Variants in UGGT2 observed in about 807,000 individuals in gnomAD.
UGGT2 encodes the protein UDP-glucose:glycoprotein glucosyltransferase 2.
UGGT2 carries 180 observed loss-of-function variants against 192.1 expected under a neutral mutation model. That is an observed-to-expected ratio of 0.94 (90% CI 0.83 to 1.06). UGGT2 has a LOEUF of 1.06. Among genes scored for constraint, UGGT2 ranks in the 50% least tolerant of loss-of-function variants. The pLI is 0.00. For missense variants in UGGT2, 1,849 were observed against 1,795.7 expected (o/e 1.03, Z -0.54); for synonymous variants, 580 against 591.0 (o/e 0.98, Z 0.27).
chr13:95,878,386 T>TA (rs939317445), intron 27 of UGGT2, among the ~76,000 whole-genome samples: 2 of 152,158 alleles, frequency 1.3e-5, no homozygotes, highest in Non-Finnish European at 2.9e-5. Context: ...AACACTGATA[T>TA]AAACATCAAC....
intron 20 of UGGT2, among the ~76,000 whole-genome samples, chr13:95,920,932 C>T (rs758301621): frequency 1.3e-5 from 2 of 151,960 alleles, no homozygotes; most frequent in Non-Finnish European, 2.9e-5. Context: ...AGTAAAGACA[C>T]GGAATCAACC....
rs141240320 is a variant in UGGT2 at position 96,009,525 on chromosome 13, G to A, written c.660+3782C>T. On this transcript the variant is annotated intron_variant, in intron 5 of 38. Transcript: ENST00000376747. ...TAAACAGCCCCATTAAAAAGTGAGC[G>A]AAGGCTGGACGCAGTGGCTCACGCC... Among the ~76,000 whole-genome samples, 1,357 of 152,238 alleles carry A rather than the reference G, an allele frequency of 8.9e-3. 11 individuals carry two copies. Among genetic ancestry groups the A allele is most frequent in the Middle Eastern group, 0.031 (9 of 294 alleles).
chr13:95,971,115 T>C (rs1231630522), intron 11 of UGGT2, among the ~76,000 whole-genome samples: 1 of 152,180 alleles, frequency 6.6e-6, no homozygotes, highest in Non-Finnish European at 1.5e-5. Context: ...CTGGGCCATG[T>C]ATGGGGCATG....
chr13:95,912,171 G>C (rs533509646), intron 20 of UGGT2, among the ~76,000 whole-genome samples: 13 of 151,112 alleles, frequency 8.6e-5, no homozygotes, highest in Non-Finnish European at 1.8e-4. Flanking sequence ...CTTTGAAAAC[G>C]GGCACAAGAC....
At chr13:95,996,023 T>C in intron 7 of UGGT2, 40 bp downstream of exon 7, 2 of 1,555,584 alleles carry the variant, frequency 1.3e-6, no homozygotes, top group Non-Finnish European at 1.8e-6. Context: ...TAAAAACCAA[T>C]GGGTATAATA....
At chr13:95,825,674 G>A (rs1885966790) in intron 38 of UGGT2, among the ~76,000 whole-genome samples, 1 of 152,138 alleles carries the variant, frequency 6.6e-6, no homozygotes, top group African/African-American at 2.4e-5. Flanking sequence ...CTGCAGTGGT[G>A]GACAAGGTGG....
At chr13:95,888,189 G>C (rs2047700245) in intron 25 of UGGT2, among the ~76,000 whole-genome samples, 1 of 152,160 alleles carries the variant, frequency 6.6e-6, no homozygotes, top group Non-Finnish European at 1.5e-5. Flanking sequence ...AATCCAAACA[G>C]TTGATTTCAA....
At chr13:95,868,644 T>C (rs1269917495) in intron 29 of UGGT2, among the ~76,000 whole-genome samples, 2 of 152,114 alleles carry the variant, frequency 1.3e-5, no homozygotes, top group South Asian at 2.1e-4. Flanking sequence ...CTAACCTGTA[T>C]GGTAGAAACA....
chr13:95,925,493 A>G (rs540455544), intron 20 of UGGT2, among the ~76,000 whole-genome samples, 187 bp downstream of exon 20: 5 of 152,300 alleles, frequency 3.3e-5, no homozygotes, highest in African/African-American at 7.2e-5. Context: ...CGAGTCATAG[A>G]AAACAGGTAG....
chr13:95,996,928 A>G (rs1184978257), intron 6 of UGGT2, among the ~76,000 whole-genome samples: 1 of 152,208 alleles, frequency 6.6e-6, no homozygotes, highest in Non-Finnish European at 1.5e-5. Flanking sequence ...CCAAATAATT[A>G]TACTATACAG....
intron 10 of UGGT2, among the ~76,000 whole-genome samples, chr13:95,980,769 G>A (rs1217862627): frequency 6.6e-6 from 1 of 152,174 alleles, no homozygotes; most frequent in East Asian, 1.9e-4. Context: ...GCCAAGGCGG[G>A]GCAGATTACC....
chr13:95,925,639 A>G, intron 20 of UGGT2, 41 bp downstream of exon 20: 2 of 1,308,426 alleles, frequency 1.5e-6, no homozygotes, highest in Non-Finnish European at 2.1e-6. Context: ...CCTTAAATTG[A>G]AATAAATTAA....
At chr13:95,840,108 G>A (rs1412654070) in intron 36 of UGGT2, among the ~76,000 whole-genome samples, 1 of 151,960 alleles carries the variant, frequency 6.6e-6, no homozygotes, top group Non-Finnish European at 1.5e-5. Flanking sequence ...GAAAACCTAG[G>A]CAATACCATT....
At chr13:95,908,446 G>A (rs1042487927) in intron 20 of UGGT2, among the ~76,000 whole-genome samples, 8 of 151,864 alleles carry the variant, frequency 5.3e-5, no homozygotes, top group East Asian at 3.9e-4. Flanking sequence ...ACACATAATC[G>A]TGAGATTCAC....
chr13:95,986,300 T>G lies in UGGT2; in HGVS notation c.1031+33A>C, dbSNP rs200886100. 3 of 1,395,374 alleles carry G rather than the reference T, an allele frequency of 2.1e-6. No homozygotes were observed. The East Asian group carries it at 6.9e-5, about 32-fold the overall frequency. 86.4% of individuals were successfully genotyped at this position (1,395,374 alleles called of 1,614,324 possible). On this transcript the variant is annotated intron_variant, in intron 9 of 38. Transcript: ENST00000376747. ...AAAACTCATTTAATAGAAAGAGTTA[T>G]AGCTGCAATGAAACCTATAAACTTT...
chr13:95,853,961 CA>C (rs968452436), intron 35 of UGGT2, among the ~76,000 whole-genome samples: 3 of 152,098 alleles, frequency 2.0e-5, no homozygotes, highest in African/African-American at 7.2e-5. Context: ...TTTTATTTCA[CA>C]AACCAAGTTT....
chr13:95,866,418 A>C (rs1308798134), intron 30 of UGGT2, among the ~76,000 whole-genome samples: 1 of 152,148 alleles, frequency 6.6e-6, no homozygotes, highest in Non-Finnish European at 1.5e-5. Flanking sequence ...TTCATACTAG[A>C]AAAATTTGAT....
At chr13:95,829,635 A>G (rs1444466117) in intron 38 of UGGT2, among the ~76,000 whole-genome samples, 18 of 152,148 alleles carry the variant, frequency 1.2e-4, no homozygotes, top group African/African-American at 4.3e-4. Flanking sequence ...ACCTCTTCAA[A>G]GAGAACTACA....
chr13:95,832,714 T>A (rs1459978738), intron 38 of UGGT2: 2 of 651,850 alleles, frequency 3.1e-6, no homozygotes, highest in South Asian at 2.8e-5. Context: ...TATAGAGTTA[T>A]GAGCTGAAGC....
Sources: allele counts gnomAD v4.1 joint callset (sites outside exome capture counted in the v4.1 genomes callset), GRCh38; gene constraint gnomAD v4.1.1; transcripts MANE v1.5; gene names NCBI Gene and HGNC (gene_info 2026-07-23, HGNC 2026-07-21).